MAOA: variants seen among roughly 807,000 people sequenced by gnomAD.
MAOA encodes the protein amine oxidase [flavin-containing] A.
In MAOA, 6 loss-of-function variants were observed where a neutral mutation model predicts 42.0. That is an observed-to-expected ratio of 0.14 (90% CI 0.08 to 0.28). The LOEUF is 0.28. Ranked by LOEUF, MAOA falls within the 10% of genes least tolerant of loss-of-function variation. MAOA has a pLI of 1.00. For missense variants in MAOA, 262 were observed against 422.3 expected (o/e 0.62, Z 3.33); for synonymous variants, 140 against 154.0 (o/e 0.91, Z 0.67).
chrX:43,706,732 T>G (rs1329041627), intron 3 of MAOA, among the ~76,000 whole-genome samples: 3 of 111,723 alleles, frequency 2.7e-5, no homozygotes, highest in African/African-American at 9.8e-5. Context: ...GAGAATCACT[T>G]AAACCTGAGA....
intron 1 of MAOA, 107 bp from the exon 2 acceptor site, chrX:43,683,406 C>T: frequency 1.7e-6 from 1 of 591,677 alleles, no homozygotes; most frequent in Non-Finnish European, 2.9e-6. Flanking sequence ...ACAGCAAAAT[C>T]ATTGGATTGT....
chrX:43,732,565 T>G (rs2033890514), intron 8 of MAOA, 134 bp from the exon 9 acceptor site: 7 of 502,158 alleles, frequency 1.4e-5, no homozygotes, highest in Non-Finnish European at 2.5e-5. Flanking sequence ...TAACAAGACA[T>G]GTAGGGTTGG....
chrX:43,672,341 G>C (rs1212750654), intron 1 of MAOA, among the ~76,000 whole-genome samples: 1 of 110,688 alleles, frequency 9.0e-6, no homozygotes, highest in African/African-American at 3.3e-5. Context: ...AGGAGATTTT[G>C]GGCTGAGACA....
At chrX:43,671,089 C>A (rs1189618984) in intron 1 of MAOA, among the ~76,000 whole-genome samples, 2 of 99,348 alleles carry the variant, frequency 2.0e-5, no homozygotes, top group Non-Finnish European at 4.1e-5. Flanking sequence ...TTCTCCACAT[C>A]CTCTCCAGCA....
At chrX:43,664,189 C>T (rs2033258242) in intron 1 of MAOA, among the ~76,000 whole-genome samples, 1 of 111,741 alleles carries the variant, frequency 8.9e-6, no homozygotes, top group Non-Finnish European at 1.9e-5. Flanking sequence ...AGGCTGGACA[C>T]GAAGGCACCT....
At chrX:43,672,007 C>A (rs5906913) in intron 1 of MAOA, among the ~76,000 whole-genome samples, 1 of 109,413 alleles carries the variant, frequency 9.1e-6, no homozygotes, top group African/African-American at 3.3e-5. Context: ...GATGGGGATG[C>A]CATTGAATCT....
chrX:43,673,558 T>C (rs1401613779), intron 1 of MAOA, among the ~76,000 whole-genome samples: 2 of 109,813 alleles, frequency 1.8e-5, no homozygotes, highest in South Asian at 3.9e-4. Flanking sequence ...TTTTGGATCT[T>C]TCCTGCTTTC....
intron 3 of MAOA, among the ~76,000 whole-genome samples, chrX:43,693,811 T>C (rs2033556390): frequency 9.3e-6 from 1 of 107,182 alleles, no homozygotes; most frequent in Non-Finnish European, 1.9e-5. Flanking sequence ...ACACGCACAC[T>C]CCCCTCCCCC....
intron 5 of MAOA, among the ~76,000 whole-genome samples, chrX:43,714,524 A>G (rs2033724414): frequency 9.1e-6 from 1 of 110,481 alleles, no homozygotes; most frequent in African/African-American, 3.3e-5. Context: ...CGGGGATATC[A>G]TCCACCAACA....
chrX:43,699,025 C>T (rs1486064251), intron 3 of MAOA, among the ~76,000 whole-genome samples: 1 of 111,249 alleles, frequency 9.0e-6, no homozygotes, highest in African/African-American at 3.3e-5. Flanking sequence ...GCCTGTAATC[C>T]CAGCACTTTG....
At chrX:43,720,960 A>G (rs757505735) in intron 5 of MAOA, among the ~76,000 whole-genome samples, 13 of 110,856 alleles carry the variant, frequency 1.2e-4, no homozygotes, top group African/African-American at 4.3e-4. Context: ...TCTAGGAATG[A>G]GACACACTTG....
intron 5 of MAOA, among the ~76,000 whole-genome samples, chrX:43,716,142 G>C (rs1156514141): frequency 2.7e-5 from 3 of 111,452 alleles, no homozygotes; most frequent in Non-Finnish European, 5.7e-5. Context: ...TATTTTCTAA[G>C]AATGGTCTTC....
chrX:43,737,777 T>G (rs892824584), intron 10 of MAOA, among the ~76,000 whole-genome samples: 1 of 112,082 alleles, frequency 8.9e-6, no homozygotes. Context: ...ATTCAAATCA[T>G]CGCAGCTAGC....
chrX:43,665,550 T>C (rs1447843080), intron 1 of MAOA, among the ~76,000 whole-genome samples: 1 of 111,686 alleles, frequency 9.0e-6, no homozygotes, highest in Non-Finnish European at 1.9e-5. Context: ...GGTAATTGCA[T>C]TCCCTAACTT....
rs779672283 is a variant in MAOA at position 43,744,466 on chromosome X, G to A, written c.1537G>A (p.Ala513Thr). ...KIIGFSTSVTALGFVLYKYKL... is the reference protein window; with the variant it reads ...KIIGFSTSVTTLGFVLYKYKL... ...CATTGGATTTTCCACATCAGTAACT[G>A]CCCTGGGGTTTGTGCTGTACAAATA... Residue 513 changes from alanine to threonine, a missense_variant, in exon 15 of 15, where the codon GCC becomes ACC. By Grantham distance (58) the Ala-to-Thr change is moderately conservative. Around this residue, in one of 3 missense-constraint regions of MAOA, gnomAD observed 35 missense variants for 36.4 expected, o/e 0.96. Transcript: ENST00000338702. 3 of 1,210,356 alleles carry A rather than the reference G, an allele frequency of 2.5e-6. No individual in the cohort carries two copies. In the South Asian group the frequency reaches 5.3e-5, roughly 21 times the overall value.
intron 3 of MAOA, among the ~76,000 whole-genome samples, chrX:43,702,261 A>G (rs1276041674): frequency 8.9e-6 from 1 of 111,978 alleles, no homozygotes; most frequent in Admixed American, 9.5e-5. Flanking sequence ...GTCAAATTCA[A>G]TGAACAGATA....
chrX:43,741,181 A>T (rs187258732), intron 11 of MAOA, among the ~76,000 whole-genome samples: 13 of 111,914 alleles, frequency 1.2e-4, no homozygotes, highest in African/African-American at 4.2e-4. Context: ...GGTCAAAGTC[A>T]TACTAATTTG....
chrX:43,690,720 G>C (rs1367509312), intron 2 of MAOA, among the ~76,000 whole-genome samples: 4 of 109,410 alleles, frequency 3.7e-5, no homozygotes, highest in Non-Finnish European at 7.7e-5. Context: ...CTTAAATTCA[G>C]ATGGAAAACA....
Position 43,685,258 on chromosome X carries a change from T to C in MAOA, c.168+1651T>C, listed in dbSNP as rs12688067. Among the ~76,000 whole-genome samples, 54 of 111,735 alleles carry C rather than the reference T, an allele frequency of 4.8e-4. No individual in the cohort carries two copies. In the East Asian group the frequency reaches 0.015, roughly 32 times the overall value. ...TGCTGAGATTCTAAGCATCAAGTTC[T>C]CATTCAAGGCTGAAAGGAGAGTGAA... On this transcript the variant is annotated intron_variant, in intron 2 of 14. Transcript: ENST00000338702.
Sources: gnomAD v4.1 joint callset for allele counts (sites outside exome capture counted in the v4.1 genomes callset) on GRCh38, gnomAD v4.1.1 for gene constraint, gnomAD v4.1.1 regional missense constraint, MANE v1.5 for transcripts, NCBI Gene and HGNC (gene_info 2026-07-23, HGNC 2026-07-21) for gene names.